SLU7: variants seen among roughly 807,000 people sequenced by gnomAD.
SLU7 encodes the protein pre-mRNA-splicing factor SLU7.
Under a neutral mutation model 87.0 loss-of-function variants are expected in SLU7, and 60 were observed. The ratio of observed to expected loss-of-function variants is 0.69; its 90% CI spans 0.56 to 0.86. SLU7 has a LOEUF of 0.86. Among genes scored for constraint, SLU7 ranks in the 40% least tolerant of loss-of-function variants. The pLI is 0.00. For synonymous variants in SLU7, 197 were observed against 222.0 expected, an observed-to-expected ratio of 0.89 and a Z score of 1.00; for missense variants, 507 against 686.6, an observed-to-expected ratio of 0.74 and a Z score of 2.92.
Position 160,407,918 on chromosome 5 carries a change from A to C in SLU7, c.917+53T>G. The C allele has an allele frequency of 6.7e-7, 1 of 1,502,390 alleles. No homozygotes were observed. 93.1% of individuals were successfully genotyped at this position (1,502,390 alleles called of 1,614,324 possible). On this transcript the variant is annotated intron_variant, in intron 9 of 15. Coordinates refer to ENST00000297151, the MANE Select transcript of SLU7 (RefSeq NM_006425.5). The surrounding 1 kb of genome is among the most constrained non-coding windows in gnomAD (Gnocchi z 4.2). The stretch of plus-strand genomic sequence containing the variant: ...GAACACCATCTATGGTCAGGTCAGA[A>C]AACAATTAACTTTCTCTCATCTTAA...
rs779183307 is a variant in SLU7 at position 160,407,615 on chromosome 5, A to G, written c.986T>C (p.Leu329Ser). ...CTTGTCATAGGCTTCCCATGCAAAC[A>G]CTAGAGTAATTCAAAACATCTTAGT... ...GDTISMAQTQ[L>S]FAWEAYDKGS... Residue 329 changes from leucine (L) to serine (S), a missense_variant and splice_region_variant, in exon 11 of 16, where the codon TTG becomes TCG. Coordinates refer to ENST00000297151, the MANE Select transcript of SLU7 (RefSeq NM_006425.5). This position sits in a 1 kb window ranked among gnomAD's most constrained non-coding sequence, Gnocchi z 4.2. 1 of 1,609,284 alleles carries G rather than the reference A, an allele frequency of 6.2e-7. No homozygotes were observed. The highest frequency in any genetic ancestry group is 8.5e-7 in the Non-Finnish European group (1 of 1,178,676).
rs866903985 is a variant in SLU7, at chr5:160,415,673, A to G, written c.-16-363T>C. Among the ~76,000 whole-genome samples the G allele has an allele frequency of 5.3e-5, 8 of 152,168 alleles. No individual in the cohort carries two copies. In the East Asian group the frequency reaches 1.2e-3, roughly 22 times the overall value. On this transcript the variant is annotated intron_variant, in intron 1 of 15. Transcript: ENST00000297151. Reference sequence around the variant, plus strand: ...TACCCCTTCAAGAATGAATATCTCAAGAGTTATCTATATTCACTGCCTCCA... The same window carrying G: ...TACCCCTTCAAGAATGAATATCTCAGGAGTTATCTATATTCACTGCCTCCA...
At position 160,407,685 on chromosome 5, in the gene SLU7, A is replaced by C; in HGVS notation, c.985+61T>G. 1 of 1,601,538 alleles carries C rather than the reference A, an allele frequency of 6.2e-7. No individual in the cohort carries two copies. The highest frequency in any genetic ancestry group is 1.1e-5 in the South Asian group (1 of 88,924). The stretch of plus-strand genomic sequence containing the variant: ...TGTATGCTTCTTGAAAACAAGCTTT[A>C]AACAATCCCAAACGTCTTATGAGCT... On this transcript the variant is annotated intron_variant, in intron 10 of 15. Transcript: ENST00000297151. This position sits in a 1 kb window ranked among gnomAD's most constrained non-coding sequence, Gnocchi z 4.2.
intron 12 of SLU7, 68 bp from the exon 13 acceptor site, chr5:160,405,203 A>G: frequency 9.2e-7 from 1 of 1,086,224 alleles, no homozygotes; most frequent in Non-Finnish European, 1.4e-6. Context: ...TACTGTTGAT[A>G]AGAGTATAAA....
chr5:160,413,741 G>T, intron 4 of SLU7, 121 bp from the exon 5 acceptor site: 1 of 1,055,660 alleles, frequency 9.5e-7, no homozygotes. Flanking sequence ...TCTTACAGTA[G>T]AAAATTTTGT....
At chr5:160,418,669 AG>A (rs1194322775) in intron 1 of SLU7, 1 of 152,218 alleles carries the variant, frequency 6.6e-6, no homozygotes, top group East Asian at 1.9e-4. Context: ...GAAAAACTGA[AG>A]CTCAAGTAAA....
chr5:160,414,120 T>G, intron 3 of SLU7, 141 bp from the exon 4 acceptor site: 1 of 680,368 alleles, frequency 1.5e-6, no homozygotes, highest in Non-Finnish European at 2.3e-6. Context: ...CATTTATAAA[T>G]GTGAAACTTT....
chr5:160,414,506 G>A, intron 2 of SLU7, 34 bp from the exon 3 acceptor site: 1 of 1,347,054 alleles, frequency 7.4e-7, no homozygotes, highest in Non-Finnish European at 1.0e-6. Context: ...AAAATTTAAG[G>A]ATAAAATTGG....
chr5:160,415,717 T>C (rs967430094), intron 1 of SLU7, among the ~76,000 whole-genome samples: 1 of 152,192 alleles, frequency 6.6e-6, no homozygotes, highest in Non-Finnish European at 1.5e-5. Context: ...CCTTCTATTT[T>C]CATCCTCACT....
Position 160,408,655 on chromosome 5 carries a change from G to T in SLU7, c.682C>A (p.Gln228Lys). 6.4e-7 allele frequency: 1 copy of T among 1,564,750 alleles called. No homozygotes were observed. The highest frequency in any genetic ancestry group is 8.7e-7 in the Non-Finnish European group (1 of 1,145,140). Residue 228 changes from glutamine to lysine, a missense_variant, in exon 7 of 16, where the codon CAG becomes AAG. Coordinates refer to ENST00000297151, the MANE Select transcript of SLU7 (RefSeq NM_006425.5). ...AGACAGCAAATATGTATTACCATCT[G>T]AGAATTTGGTTCCTCTTCTCCCCAC... ...HQWGEEEPNSQMEKDHNSEDE... is the reference protein window; with the variant it reads ...HQWGEEEPNSKMEKDHNSEDE...
chr5:160,413,344 TAAAAATGCTACCA>T lies in SLU7; in HGVS notation c.570+99_570+111del. On this transcript the variant is annotated intron_variant, in intron 5 of 15. Coordinates refer to ENST00000297151, the MANE Select transcript of SLU7 (RefSeq NM_006425.5). Reference sequence around the variant, plus strand: ...AGCCTATACAGTAGTACTACTATTATAAAAATGCTACCATTTTTAAAGTGCTTCAAGATTTGAA... The same window carrying T: ...AGCCTATACAGTAGTACTACTATTATTTTTTAAAGTGCTTCAAGATTTGAA... The T allele has an allele frequency of 1.7e-5, 16 of 938,970 alleles. 1 individual carries two copies. The South Asian group carries it at 2.5e-4, about 15-fold the overall frequency. 58.2% of individuals were successfully genotyped at this position (938,970 alleles called of 1,614,324 possible).
At chr5:160,403,497 C>T in intron 15 of SLU7, 33 bp from the exon 16 acceptor site, 1 of 1,526,402 alleles carries the variant, frequency 6.6e-7, no homozygotes, top group Non-Finnish European at 8.8e-7. Flanking sequence ...TGTATCACAG[C>T]TCTACATCAG....
intron 12 of SLU7, 37 bp downstream of exon 12, chr5:160,406,431 C>G (rs775134051): frequency 3.3e-6 from 5 of 1,533,626 alleles, no homozygotes; most frequent in Non-Finnish European, 3.5e-6. Context: ...AGAGCAAAAC[C>G]AACAAGGACA....
chr5:160,417,563 G>A (rs1016867100), intron 1 of SLU7, among the ~76,000 whole-genome samples: 3 of 152,064 alleles, frequency 2.0e-5, no homozygotes. Context: ...CGAGGCGGGC[G>A]GATCACCTGA....
At chr5:160,406,712 G>A in intron 11 of SLU7, 83 bp from the exon 12 acceptor site, 4 of 1,081,684 alleles carry the variant, frequency 3.7e-6, no homozygotes, top group East Asian at 2.7e-5. Flanking sequence ...TTTCTAATCA[G>A]AAAGAAAGGG....
In SLU7 at chr5:160,413,898, C is replaced by A. The variant is rs1045004452; in HGVS notation, c.405+1G>T. Reference sequence around the variant, plus strand: ...TTCAAAATTTTCAAAGGTGAACTTACCTCAAAGCAGTCTTTCTTTTTGTGT... The same window carrying A: ...TTCAAAATTTTCAAAGGTGAACTTAACTCAAAGCAGTCTTTCTTTTTGTGT... On this transcript the variant is annotated splice_donor_variant, in intron 4 of 15. Coordinates refer to ENST00000297151, the MANE Select transcript of SLU7 (RefSeq NM_006425.5). LOFTEE classifies it high-confidence loss of function. 5 of 1,588,132 alleles carry A rather than the reference C, an allele frequency of 3.1e-6. No individual in the cohort carries two copies. Among genetic ancestry groups the A allele is most frequent in the Non-Finnish European group, 4.3e-6 (5 of 1,169,688 alleles).
Position 160,407,692 on chromosome 5 carries a change from C to T in SLU7, c.985+54G>A. ...TTCTTGAAAACAAGCTTTAAACAAT[C>T]CCAAACGTCTTATGAGCTGATATAA... On this transcript the variant is annotated intron_variant, in intron 10 of 15. Coordinates refer to ENST00000297151, the MANE Select transcript of SLU7 (RefSeq NM_006425.5). This position sits in a 1 kb window ranked among gnomAD's most constrained non-coding sequence, Gnocchi z 4.2. 2 of 1,602,110 alleles carry T rather than the reference C, an allele frequency of 1.2e-6. No individual in the cohort carries two copies. Among genetic ancestry groups the T allele is most frequent in the Non-Finnish European group, 1.7e-6 (2 of 1,174,366 alleles).
chr5:160,413,152 C>T (rs555295659), intron 5 of SLU7, among the ~76,000 whole-genome samples: 1 of 152,160 alleles, frequency 6.6e-6, no homozygotes, highest in Non-Finnish European at 1.5e-5. Flanking sequence ...CATTTCTAAC[C>T]TCACAAAACC....
chr5:160,407,345 G>T lies in SLU7; in HGVS notation c.1125+131C>A. 1 of 754,828 alleles carries T rather than the reference G, an allele frequency of 1.3e-6. No homozygotes were observed. 46.8% of individuals were successfully genotyped at this position (754,828 alleles called of 1,614,324 possible). A position where few individuals can be genotyped will look rare whatever the true frequency, so the allele number is the denominator to read the frequency against. On this transcript the variant is annotated intron_variant, in intron 11 of 15. Transcript: ENST00000297151. This position sits in a 1 kb window ranked among gnomAD's most constrained non-coding sequence, Gnocchi z 4.2. ...AAATTACCATCTGACTAAGAGAAAG[G>T]AAGAAAAGGACTATTCTTCATGGAT...
Sources: allele counts gnomAD v4.1 joint callset (sites outside exome capture counted in the v4.1 genomes callset), GRCh38; gene constraint gnomAD v4.1.1; non-coding constraint Gnocchi (gnomAD v3.1); transcripts MANE v1.5; gene names NCBI Gene and HGNC (gene_info 2026-07-23, HGNC 2026-07-21).